The following PKIB variants were observed in gnomAD, a reference collection of about 807,000 sequenced individuals.
PKIB encodes PKI-beta.
PKIB carries 2 observed loss-of-function variants against 4.5 expected under a neutral mutation model. That is an observed-to-expected ratio of 0.44 (90% confidence interval 0.18 to 1.39). PKIB has a LOEUF of 1.39. Ranked by LOEUF, PKIB falls within the 40% of genes most tolerant of loss-of-function variation. The pLI, the probability that PKIB is intolerant of heterozygous loss-of-function variation, is 0.27. For missense variants in PKIB, 94 were observed against 92.6 expected (o/e 1.02, Z -0.06); for synonymous variants, 38 against 36.0 (o/e 1.06, Z -0.20).
At chr6:122,671,657 A>G (rs1015356137) in intron 2 of PKIB, among the ~76,000 whole-genome samples, 5 of 152,190 alleles carry the variant, frequency 3.3e-5, no homozygotes, top group African/African-American at 9.6e-5. Context: ...GCTGACTTAT[A>G]CAAGTTCAGG....
intron 2 of PKIB, among the ~76,000 whole-genome samples, chr6:122,546,927 A>G (rs1398878671): frequency 1.3e-5 from 2 of 152,084 alleles, no homozygotes; most frequent in Non-Finnish European, 2.9e-5. Context: ...TATAGTAGAA[A>G]GTAGCAAATG....
At chr6:122,575,034 C>T (rs1773485309) in intron 2 of PKIB, among the ~76,000 whole-genome samples, 1 of 152,004 alleles carries the variant, frequency 6.6e-6, no homozygotes, top group Admixed American at 6.6e-5. Context: ...CTACAAGGAA[C>T]TCAAACAAAT....
chr6:122,530,751 C>T (rs1777231832), intron 2 of PKIB, among the ~76,000 whole-genome samples: 1 of 152,212 alleles, frequency 6.6e-6, no homozygotes, highest in African/African-American at 2.4e-5. Context: ...GTCCCCAAGA[C>T]AGCTCTCAGA....
intron 2 of PKIB, among the ~76,000 whole-genome samples, chr6:122,487,463 G>T (rs1197707808): frequency 2.0e-5 from 3 of 152,200 alleles, no homozygotes; most frequent in African/African-American, 7.2e-5. Context: ...GTATTAGAAG[G>T]TGGGGCCTTT....
chr6:122,599,019 G>A (rs1199853402), intron 3 of PKIB, among the ~76,000 whole-genome samples: 2 of 152,130 alleles, frequency 1.3e-5, no homozygotes, highest in Non-Finnish European at 2.9e-5. Flanking sequence ...ACCTCCTCAT[G>A]GGTCACATTC....
At position 122,576,689 on chromosome 6, in the gene PKIB, A is replaced by AAAAAAATATATATAT. The variant is rs1345822382; in HGVS notation, c.-247-9231_-247-9230insAAAAATATATATATA. ...ATCTCAAAAAAAAAAAAAAAAAAAA[A>AAAAAAATATATATAT]ATATATATATATATATATATATTTT... On this transcript the variant is annotated intron_variant, in intron 2 of 6. Transcript: ENST00000392491. 1.4e-3 allele frequency among the ~76,000 whole-genome samples: 48 copies of AAAAAAATATATATAT among 34,310 alleles called. 1 individual carries two copies. Among genetic ancestry groups the AAAAAAATATATATAT allele is most frequent in the Non-Finnish European group, 1.6e-3 (35 of 21,452 alleles). 22.5% of individuals were successfully genotyped at this position (34,310 alleles called of 152,430 possible).
chr6:122,597,855 T>C (rs1237057459), intron 3 of PKIB, among the ~76,000 whole-genome samples: 2 of 152,282 alleles, frequency 1.3e-5, no homozygotes, highest in East Asian at 3.9e-4. Context: ...CTGGACCCAC[T>C]GTAAGCTGGA....
intron 2 of PKIB, among the ~76,000 whole-genome samples, chr6:122,555,250 G>A (rs544118506): frequency 6.6e-6 from 1 of 152,262 alleles, no homozygotes; most frequent in South Asian, 2.1e-4. Flanking sequence ...AGAAGCAGAG[G>A]AGCAAAGTCA....
At chr6:122,669,835 T>C (rs1777382851) in intron 2 of PKIB, among the ~76,000 whole-genome samples, 2 of 152,166 alleles carry the variant, frequency 1.3e-5, no homozygotes, top group South Asian at 4.1e-4. Context: ...ATTCCATGGA[T>C]TTTTCCATTT....
At chr6:122,681,644 A>G (rs554869648) in intron 3 of PKIB, among the ~76,000 whole-genome samples, 81 of 152,364 alleles carry the variant, frequency 5.3e-4, no homozygotes, top group African/African-American at 1.9e-3. Context: ...GGAAATGGCA[A>G]CTATAAAGAT....
chr6:122,609,926 G>A (rs142581818), upstream of PKIB, among the ~76,000 whole-genome samples: 1 of 152,272 alleles, frequency 6.6e-6, no homozygotes, highest in East Asian at 1.9e-4. Context: ...ATAAGCCTGT[G>A]TACCTTCCTA....
At chr6:122,521,423 G>A (rs1187386452) in intron 2 of PKIB, among the ~76,000 whole-genome samples, 2 of 152,162 alleles carry the variant, frequency 1.3e-5, no homozygotes, top group African/African-American at 4.8e-5. Context: ...GCTCACACCT[G>A]TAATCTTAGC....
chr6:122,713,292 C>G (rs1303977286), intron 3 of PKIB, among the ~76,000 whole-genome samples: 1 of 152,140 alleles, frequency 6.6e-6, no homozygotes, highest in Non-Finnish European at 1.5e-5. Context: ...CAGCACTCAT[C>G]TAGAGTCCTT....
intron 3 of PKIB, among the ~76,000 whole-genome samples, chr6:122,707,654 A>C (rs955850938): frequency 2.6e-5 from 4 of 152,106 alleles, no homozygotes; most frequent in African/African-American, 9.7e-5. Context: ...CATTCAAGAA[A>C]ATTTTATTTT....
intron 2 of PKIB, among the ~76,000 whole-genome samples, chr6:122,571,764 A>G (rs1049152987): frequency 2.6e-5 from 4 of 152,224 alleles, no homozygotes; most frequent in African/African-American, 9.6e-5. Flanking sequence ...ACCTTGATCT[A>G]TATCAAAATG....
At chr6:122,618,833 A>C (rs1775097022) in intron 1 of PKIB, among the ~76,000 whole-genome samples, 1 of 152,130 alleles carries the variant, frequency 6.6e-6, no homozygotes, top group Non-Finnish European at 1.5e-5. Flanking sequence ...AAATTTCTAG[A>C]CATAGAATTG....
At chr6:122,566,674 T>G (rs1773206506) in intron 2 of PKIB, among the ~76,000 whole-genome samples, 1 of 149,176 alleles carries the variant, frequency 6.7e-6, no homozygotes, top group Non-Finnish European at 1.5e-5. Context: ...TCCTTCCTTC[T>G]CTTTATCCCC....
intron 2 of PKIB, among the ~76,000 whole-genome samples, chr6:122,672,973 A>G (rs1361346621): frequency 6.6e-6 from 1 of 152,108 alleles, no homozygotes; most frequent in Non-Finnish European, 1.5e-5. Context: ...TTTTTGTGTT[A>G]AGCATATCTT....
chr6:122,566,442 A>T (rs74297112), intron 2 of PKIB, among the ~76,000 whole-genome samples: 14,457 of 152,232 alleles, frequency 0.095, 839 homozygotes, highest in South Asian at 0.15. Context: ...ATATAGCCTC[A>T]AAACTCATAT....
Sources: allele counts gnomAD v4.1 joint callset (sites outside exome capture counted in the v4.1 genomes callset), GRCh38; gene constraint gnomAD v4.1.1; transcripts MANE v1.5; gene names NCBI Gene and HGNC (gene_info 2026-07-23, HGNC 2026-07-21).